The following SLC29A3 variants were observed in gnomAD, a reference collection of about 807,000 sequenced individuals.
SLC29A3 encodes equilibrative nucleoside transporter 3.
SLC29A3 carries 18 observed loss-of-function variants against 25.4 expected under a neutral mutation model. The observed-to-expected ratio is 0.71, with a 90% CI of 0.49 to 1.05. The LOEUF is 1.05. Ranked by LOEUF, SLC29A3 falls within the 50% of genes least tolerant of loss-of-function variation. The pLI is 0.00. For missense variants in SLC29A3, 586 were observed against 609.0 expected (o/e 0.96, Z 0.40); for synonymous variants, 258 against 267.1 (o/e 0.97, Z 0.33).
At chr10:71,379,162 C>T (rs969425462) in intron 4 of SLC29A3, among the ~76,000 whole-genome samples, 5 of 152,194 alleles carry the variant, frequency 3.3e-5, no homozygotes, top group Non-Finnish European at 7.3e-5. Context: ...AGGTCTGAGT[C>T]CAAAAGGTGA....
chr10:71,373,876 C>G (rs1050255486), intron 3 of SLC29A3, among the ~76,000 whole-genome samples: 7 of 152,214 alleles, frequency 4.6e-5, no homozygotes, highest in South Asian at 2.1e-4. Flanking sequence ...TGGCTGTTTG[C>G]AAGGGGTGCA....
chr10:71,346,973 C>T (rs1305655843), intron 3 of SLC29A3, among the ~76,000 whole-genome samples: 3 of 152,266 alleles, frequency 2.0e-5, no homozygotes, highest in African/African-American at 7.2e-5. Flanking sequence ...TCAGCAGTTA[C>T]AGGACATTCT....
downstream of SLC29A3, chr10:71,364,895 G>A (rs377582850): frequency 1.3e-5 from 2 of 152,224 alleles, no homozygotes; most frequent in East Asian, 3.9e-4. Flanking sequence ...TGGGATGTTG[G>A]TCTAGCTGGT....
At chr10:71,344,143 C>G in intron 2 of SLC29A3, 66 bp from the exon 3 acceptor site, 1 of 1,284,798 alleles carries the variant, frequency 7.8e-7, no homozygotes, top group South Asian at 1.2e-5. Context: ...CCTGTCTCTG[C>G]TCGCGTGGAA....
intron 3 of SLC29A3, among the ~76,000 whole-genome samples, chr10:71,347,067 CT>C (rs1215023106): frequency 6.6e-6 from 1 of 152,164 alleles, no homozygotes; most frequent in African/African-American, 2.4e-5. Context: ...GGAACATCCT[CT>C]GAGGCCTCCA....
intron 5 of SLC29A3, among the ~76,000 whole-genome samples, chr10:71,356,620 G>A (rs1468625956): frequency 1.3e-5 from 2 of 152,258 alleles, no homozygotes; most frequent in South Asian, 2.1e-4. Context: ...GAGCCCAGGA[G>A]TTCAAGACCC....
intron 2 of SLC29A3, among the ~76,000 whole-genome samples, chr10:71,339,872 T>C (rs1182706161): frequency 6.6e-6 from 1 of 151,890 alleles, no homozygotes; most frequent in Non-Finnish European, 1.5e-5. Context: ...CCCCCAACAC[T>C]TTGTATCTGT....
intron 2 of SLC29A3, among the ~76,000 whole-genome samples, chr10:71,339,698 C>T (rs1846346026): frequency 6.6e-6 from 1 of 152,142 alleles, no homozygotes; most frequent in Admixed American, 6.5e-5. Context: ...GGTGGGGAAG[C>T]ATCCCTTCAT....
At chr10:71,366,582 A>T (rs575166498), downstream of SLC29A3, among the ~76,000 whole-genome samples, 1 of 152,218 alleles carries the variant, frequency 6.6e-6, no homozygotes, top group Admixed American at 6.5e-5. Context: ...CATGCATAGG[A>T]GCTGGGGGAA....
intron 3 of SLC29A3, among the ~76,000 whole-genome samples, chr10:71,370,494 C>T (rs1293044516): frequency 6.6e-6 from 1 of 152,152 alleles, no homozygotes; most frequent in African/African-American, 2.4e-5. Flanking sequence ...TGAACGTCCT[C>T]AGTGCTGTCC....
intron 2 of SLC29A3, among the ~76,000 whole-genome samples, chr10:71,336,357 C>T (rs7913673): frequency 0.02 from 3,098 of 152,102 alleles, 88 homozygotes; most frequent in African/African-American, 0.068. Flanking sequence ...CCCCTCTAGA[C>T]GGGGTAGCAT....
chr10:71,361,321 A>AATT (rs113735354), intron 5 of SLC29A3, among the ~76,000 whole-genome samples: 2,461 of 152,134 alleles, frequency 0.016, 68 homozygotes, highest in African/African-American at 0.056. Flanking sequence ...TTTATTTTAC[A>AATT]ATTATTATTA....
At chr10:71,350,612 C>A (rs1268272940) in intron 3 of SLC29A3, among the ~76,000 whole-genome samples, 1 of 152,126 alleles carries the variant, frequency 6.6e-6, no homozygotes, top group African/African-American at 2.4e-5. Flanking sequence ...GAGTACATGG[C>A]TCATATGCAG....
In SLC29A3 at chr10:71,351,611, A is replaced by G. The variant is rs2131838989; in HGVS notation, c.433A>G (p.Ile145Val). 1.9e-6 allele frequency: 3 copies of G among 1,614,254 alleles called. No individual in the cohort carries two copies. The highest frequency in any genetic ancestry group is 2.2e-5 in the East Asian group (1 of 44,884). Residue 145 changes from isoleucine (I) to valine (V), a missense_variant, in exon 4 of 6, where the codon ATC becomes GTC. By Grantham distance (29) the Ile-to-Val change is conservative (BLOSUM62 3). Transcript: ENST00000373189. Reference protein sequence around the residue: ...VLASLTVILAIFMVITALVKV... With the variant: ...VLASLTVILAVFMVITALVKV... The stretch of plus-strand genomic sequence containing the variant: ...GGCCTCACTGACGGTCATCCTGGCC[A>G]TCTTCATGGTGATAACTGCACTGGT...
chr10:71,362,011 C>T lies in SLC29A3; in HGVS notation c.831C>T (p.Pro277=), dbSNP rs61737431. ...TGTTTTCTGGTGAAGAGGAGCTTCC[C>T]CAGGACTCCCTCAGTGCCCCTTCGG... The part of the protein sequence containing the change: ...AHVFSGEEEL[P]QDSLSAPSVA... The change falls in exon 6 of 6, where the codon CCC becomes CCT. Residue 277 remains proline (P), a synonymous_variant. Transcript: ENST00000373189. The T allele has an allele frequency of 9.0e-3, 14,506 of 1,614,046 alleles. 156 individuals carry two copies. Among genetic ancestry groups the T allele is most frequent in the African/African-American group, 0.046 (3,456 of 74,988 alleles).
In SLC29A3 at chr10:71,362,225, C is replaced by A; in HGVS notation, c.1045C>A (p.Leu349Ile). Residue 349 changes from leucine to isoleucine, a missense_variant, in exon 6 of 6, where the codon CTC becomes ATC. Leu to Ile is a conservative substitution (Grantham distance 5, BLOSUM62 2). Coordinates refer to ENST00000373189, the MANE Select transcript of SLC29A3 (RefSeq NM_018344.6). ...GTGGACCACCAAGTTTTTCATCCCC[C>A]TCACTACCTTCCTCCTGTACAACTT... Reference protein sequence around the residue: ...SLWTTKFFIPLTTFLLYNFAD... With the variant: ...SLWTTKFFIPITTFLLYNFAD... The A allele has an allele frequency of 6.2e-7, 1 of 1,614,178 alleles. No individual in the cohort carries two copies. Among genetic ancestry groups the A allele is most frequent in the Non-Finnish European group, 8.5e-7 (1 of 1,180,028 alleles).
chr10:71,355,954 A>T, intron 4 of SLC29A3, 127 bp from the exon 5 acceptor site: 2 of 1,040,736 alleles, frequency 1.9e-6, no homozygotes, highest in Non-Finnish European at 2.9e-6. Context: ...GGACACTGAG[A>T]GAGCTTTGGC....
chr10:71,370,178 G>A (rs547983701), intron 3 of SLC29A3, among the ~76,000 whole-genome samples: 1 of 152,342 alleles, frequency 6.6e-6, no homozygotes, highest in Non-Finnish European at 1.5e-5. Flanking sequence ...GATACAGGCA[G>A]AGAGCTTCAC....
At chr10:71,325,389 C>T (rs1363961682) in intron 2 of SLC29A3, among the ~76,000 whole-genome samples, 1 of 152,134 alleles carries the variant, frequency 6.6e-6, no homozygotes, top group Non-Finnish European at 1.5e-5. Context: ...AGATGGGCCT[C>T]CCTCAAACCT....
Sources: allele counts gnomAD v4.1 joint callset (sites outside exome capture counted in the v4.1 genomes callset), GRCh38; gene constraint gnomAD v4.1.1; transcripts MANE v1.5; gene names NCBI Gene and HGNC (gene_info 2026-07-23, HGNC 2026-07-21).